Variants in DIAPH2 observed in about 807,000 individuals in gnomAD.
DIAPH2 encodes the protein diaphanous related formin 2.
Under a neutral mutation model 92.7 loss-of-function variants are expected in DIAPH2, and 35 were observed. That is an observed-to-expected ratio of 0.38 (90% CI 0.29 to 0.50). DIAPH2 has a LOEUF of 0.50. DIAPH2 is among the 20% of genes least tolerant of loss of function. DIAPH2 has a pLI of 0.94. For synonymous variants in DIAPH2, 301 were observed against 280.4 expected (o/e 1.07, Z -0.73); for missense variants, 701 against 819.5 (o/e 0.86, Z 1.77).
chrX:97,185,395 GTATATA>G (rs68018026), intron 22 of DIAPH2, among the ~76,000 whole-genome samples: 837 of 17,843 alleles, frequency 0.047, 190 homozygotes, highest in African/African-American at 0.18. Context: ...ATATATATGT[GTATATA>G]TATATATATG....
intron 3 of DIAPH2, among the ~76,000 whole-genome samples, chrX:96,756,053 G>A (rs1016062191): frequency 6.3e-5 from 7 of 111,087 alleles, no homozygotes; most frequent in African/African-American, 2.0e-4. Flanking sequence ...TTTTATAGAA[G>A]CGAGGTCTTG....
intron 4 of DIAPH2, among the ~76,000 whole-genome samples, chrX:96,826,254 T>A (rs2064815179): frequency 1.8e-5 from 2 of 109,796 alleles, no homozygotes; most frequent in African/African-American, 3.3e-5. Context: ...CCATTTCTAC[T>A]AAAAATACAA....
intron 1 of DIAPH2, among the ~76,000 whole-genome samples, chrX:96,694,407 C>T (rs2063813932): frequency 9.1e-6 from 1 of 109,304 alleles, no homozygotes. Flanking sequence ...GTGGCCTGAT[C>T]TCTGCTTACT....
At chrX:97,429,209 AT>A (rs1339249310) in intron 25 of DIAPH2, among the ~76,000 whole-genome samples, 1 of 112,395 alleles carries the variant, frequency 8.9e-6, no homozygotes, top group Non-Finnish European at 1.9e-5. Context: ...ATCGCAGATG[AT>A]GGTTGAATGC....
intron 23 of DIAPH2, 138 bp from the exon 24 acceptor site, chrX:97,347,978 G>A (rs2069173930): frequency 7.0e-6 from 4 of 570,702 alleles, no homozygotes; most frequent in Non-Finnish European, 1.1e-5. Flanking sequence ...TACCATGGCA[G>A]CCCTAACAAA....
At chrX:97,337,047 T>C in intron 23 of DIAPH2, among the ~76,000 whole-genome samples, 1 of 111,281 alleles carries the variant, frequency 9.0e-6, no homozygotes, top group Non-Finnish European at 1.9e-5. Flanking sequence ...CTGAGGACTT[T>C]GGTTCAAAAT....
Position 96,867,409 on chromosome X carries a change from AG to A in DIAPH2, c.448-14167del, listed in dbSNP as rs1338513156. Among the ~76,000 whole-genome samples, 3 of 110,611 alleles carry A rather than the reference AG, an allele frequency of 2.7e-5. No homozygotes were observed. In the Admixed American group the frequency reaches 2.9e-4, roughly 11 times the overall value. On this transcript the variant is annotated intron_variant, in intron 4 of 26. Coordinates refer to ENST00000324765, the MANE Select transcript of DIAPH2 (RefSeq NM_006729.5). ...TATTTTTTGTATTTTTAGTAGAGAC[AG>A]GGTTTTACCACGTTGGCCAGGCTGG... is the stretch of plus-strand genomic sequence containing the variant.
At chrX:97,357,238 G>A (rs2069276073) in intron 24 of DIAPH2, among the ~76,000 whole-genome samples, 1 of 111,932 alleles carries the variant, frequency 8.9e-6, no homozygotes, top group Non-Finnish European at 1.9e-5. Flanking sequence ...ATCAGAGCAT[G>A]CCTGTTTCAA....
At chrX:97,090,298 C>CT (rs760073834) in intron 19 of DIAPH2, among the ~76,000 whole-genome samples, 704 of 38,869 alleles carry the variant, frequency 0.018, 210 homozygotes, top group African/African-American at 0.022. Context: ...TCTCTGATCC[C>CT]TTTTTTTTTT....
chrX:96,708,480 T>C (rs763023023), intron 1 of DIAPH2, among the ~76,000 whole-genome samples: 1 of 110,106 alleles, frequency 9.1e-6, no homozygotes, highest in East Asian at 2.9e-4. Flanking sequence ...GACCTTGTGA[T>C]CCACCTGCCT....
intron 5 of DIAPH2, among the ~76,000 whole-genome samples, chrX:96,899,987 G>T (rs761231402): frequency 1.7e-3 from 41 of 24,354 alleles, no homozygotes; most frequent in Non-Finnish European, 5.1e-3. Context: ...TGAGATAATC[G>T]TGGTTTTTGT....
intron 24 of DIAPH2, among the ~76,000 whole-genome samples, chrX:97,359,856 G>A (rs1189069502): frequency 1.8e-5 from 2 of 111,110 alleles, no homozygotes; most frequent in African/African-American, 3.3e-5. Flanking sequence ...GAATACAGGC[G>A]TGAGCCACTG....
intron 22 of DIAPH2, among the ~76,000 whole-genome samples, chrX:97,242,770 T>TTTTTA (rs1319985819): frequency 9.1e-6 from 1 of 110,190 alleles, no homozygotes; most frequent in Non-Finnish European, 1.9e-5. Context: ...CCACTGCAAA[T>TTTTTA]TTTTATTTTA....
At chrX:97,551,078 T>G (rs1357457305) in intron 26 of DIAPH2, among the ~76,000 whole-genome samples, 1 of 110,719 alleles carries the variant, frequency 9.0e-6, no homozygotes, top group African/African-American at 3.3e-5. Flanking sequence ...GTTGTTAGCC[T>G]AAATTTTTAT....
chrX:97,592,792 C>A (rs1213182256), intron 26 of DIAPH2, among the ~76,000 whole-genome samples: 2 of 112,004 alleles, frequency 1.8e-5, no homozygotes, highest in Non-Finnish European at 3.8e-5. Context: ...AGTCGTGTGT[C>A]TATAGTCACA....
At chrX:97,214,836 T>TAAAAAA (rs368311868) in intron 22 of DIAPH2, among the ~76,000 whole-genome samples, 2 of 62,804 alleles carry the variant, frequency 3.2e-5, no homozygotes, top group Admixed American at 2.2e-4. Context: ...CGTCTCAAAT[T>TAAAAAA]AAAAAAAAAA....
intron 17 of DIAPH2, among the ~76,000 whole-genome samples, chrX:97,024,652 T>C (rs1277844420): frequency 8.9e-6 from 1 of 112,317 alleles, no homozygotes; most frequent in Non-Finnish European, 1.9e-5. Flanking sequence ...TATATTTCCA[T>C]TTATTTCTCC....
chrX:96,702,235 C>T (rs2063859473), intron 1 of DIAPH2, among the ~76,000 whole-genome samples: 1 of 112,079 alleles, frequency 8.9e-6, no homozygotes. Flanking sequence ...GTAGCTGTAT[C>T]TGGTTAGTTT....
chrX:96,685,289 A>T (rs2063764862), intron 1 of DIAPH2, 99 bp downstream of exon 1: 1 of 893,126 alleles, frequency 1.1e-6, no homozygotes, highest in Non-Finnish European at 1.4e-6. Context: ...CCTCCCAAGG[A>T]TGACCGCGAC....
Sources: gnomAD v4.1 joint callset for allele counts (sites outside exome capture counted in the v4.1 genomes callset) on GRCh38, gnomAD v4.1.1 for gene constraint, MANE v1.5 for transcripts, NCBI Gene and HGNC (gene_info 2026-07-23, HGNC 2026-07-21) for gene names.